PDE4A: variants seen among roughly 807,000 people sequenced by gnomAD.
PDE4A encodes the protein phosphodiesterase 4A, also known as 3',5'-cyclic-AMP phosphodiesterase 4A.
In PDE4A, 21 loss-of-function variants were observed where a neutral mutation model predicts 73.9. The observed-to-expected ratio is 0.28, with a 90% CI of 0.20 to 0.41. PDE4A has a LOEUF of 0.41. Ranked by LOEUF, PDE4A falls within the 10% of genes least tolerant of loss-of-function variation. PDE4A has a pLI of 1.00. For synonymous variants in PDE4A, 463 were observed against 505.4 expected, an observed-to-expected ratio of 0.92 and a Z score of 1.13; for missense variants, 958 against 1,211.4, an observed-to-expected ratio of 0.79 and a Z score of 3.10.
At chr19:10,446,520 C>A in intron 2 of PDE4A, 111 bp downstream of exon 2, 1 of 1,294,398 alleles carries the variant, frequency 7.7e-7, no homozygotes, top group Non-Finnish European at 1.1e-6. Flanking sequence ...TCAGCACTCC[C>A]AACCTGTCCT....
intron 2 of PDE4A, among the ~76,000 whole-genome samples, chr19:10,446,914 G>A (rs1346737861): frequency 9.4e-6 from 1 of 106,252 alleles, no homozygotes; most frequent in South Asian, 3.0e-4. Context: ...TTTTTTTTGA[G>A]ACGGAGTGTC....
chr19:10,446,907 T>TTCTC (rs2043014060), intron 2 of PDE4A, among the ~76,000 whole-genome samples: 1 of 148,688 alleles, frequency 6.7e-6, no homozygotes, highest in African/African-American at 2.5e-5. Context: ...GTTCCTTTTT[T>TTCTC]TTTTGAGACG....
Position 10,424,751 on chromosome 19 carries a change from TGGAGGACAG to T in PDE4A, c.320+3674_320+3682del, listed in dbSNP as rs1238041400. On this transcript the variant is annotated intron_variant, in intron 1 of 14. Coordinates refer to ENST00000380702, the MANE Select transcript of PDE4A (RefSeq NM_001111307.2). The surrounding 1 kb of genome is among the most constrained non-coding windows in gnomAD (Gnocchi z 4.8). The stretch of plus-strand genomic sequence containing the variant: ...GCCACACGCTGCGGGGACTGTCGTC[TGGAGGACAG>T]GGAGGAACCTGGCCGAAAAGTTGCA... Among the ~76,000 whole-genome samples, 1 of 152,228 alleles carries T rather than the reference TGGAGGACAG, an allele frequency of 6.6e-6. No homozygotes were observed.
At chr19:10,420,417 G>C (rs1029302952), upstream of PDE4A, 3 of 964,364 alleles carry the variant, frequency 3.1e-6, no homozygotes, top group African/African-American at 5.3e-5. This position sits in a 1 kb window ranked among gnomAD's most constrained non-coding sequence, Gnocchi z 6.0. Flanking sequence ...TGGCCCGGAC[G>C]GAGGAGGAGG....
At chr19:10,430,748 C>A (rs2042776268) in intron 1 of PDE4A, 1 of 312,808 alleles carries the variant, frequency 3.2e-6, no homozygotes, top group Non-Finnish European at 4.6e-6. Flanking sequence ...CGGGGTGGGG[C>A]CCGCGGGCCC....
At chr19:10,450,498 A>G in intron 4 of PDE4A, 105 bp from the exon 5 acceptor site, 2 of 1,474,734 alleles carry the variant, frequency 1.4e-6, no homozygotes, top group Non-Finnish European at 1.8e-6. Flanking sequence ...GGACACGGTG[A>G]GTTTTCAGAC....
At chr19:10,460,455 C>G (rs1599453269) in intron 10 of PDE4A, among the ~76,000 whole-genome samples, 1 of 146,582 alleles carries the variant, frequency 6.8e-6, no homozygotes. Flanking sequence ...GCCAGGATTG[C>G]GCCACTGCAC....
intron 6 of PDE4A, among the ~76,000 whole-genome samples, chr19:10,452,223 T>C (rs1436362211): frequency 2.6e-5 from 4 of 151,946 alleles, no homozygotes; most frequent in Non-Finnish European, 2.9e-5. Context: ...GCGGATCACC[T>C]GAGGTCGGGA....
At position 10,420,784 on chromosome 19, in the gene PDE4A, C is replaced by T. The variant is rs763441183; in HGVS notation, c.20C>T (p.Pro7Leu). Residue 7 changes from proline to leucine, a missense_variant, in exon 1 of 15, where the codon CCC becomes CTC. Coordinates refer to ENST00000380702, the MANE Select transcript of PDE4A (RefSeq NM_001111307.2). The surrounding 1 kb of genome is among the most constrained non-coding windows in gnomAD (Gnocchi z 6.0). MEPPTV[P>L]SERSLSLSLP... ...GGCGCCATGGAACCCCCGACCGTCCCCTCGGAAAGGAGCCTGTCTCTGTCA... is the reference window on the plus strand; with the variant it reads ...GGCGCCATGGAACCCCCGACCGTCCTCTCGGAAAGGAGCCTGTCTCTGTCA... The T allele has an allele frequency of 3.2e-6, 5 of 1,577,310 alleles. No individual in the cohort carries two copies. In the South Asian group the frequency reaches 5.7e-5, roughly 18 times the overall value.
rs557242459 is a variant in PDE4A, at chr19:10,449,575, G to A, written c.620+425G>A. Among the ~76,000 whole-genome samples the A allele has an allele frequency of 2.0e-5, 3 of 152,006 alleles. No individual in the cohort carries two copies. In the East Asian group the frequency reaches 5.8e-4, roughly 30 times the overall value. On this transcript the variant is annotated intron_variant, in intron 4 of 14. Transcript: ENST00000380702. ...GGGTTTCACCATGTTGGCCAGGCTG[G>A]TCTCAAACTCCTGACCTTTGGTGAT...
intron 2 of PDE4A, among the ~76,000 whole-genome samples, chr19:10,448,375 G>A (rs767634140): frequency 3.3e-5 from 5 of 151,848 alleles, no homozygotes; most frequent in African/African-American, 7.3e-5. Flanking sequence ...GGTGGCTCAC[G>A]CCTATAATCC....
Position 10,426,323 on chromosome 19 carries a change from C to T in PDE4A, c.320+5239C>T, listed in dbSNP as rs11085733. ...AACTGTGGCTGAGAATGCTGTAGAC[C>T]AAGTTTGTCCAACCCGTGGCCCAGG... On this transcript the variant is annotated intron_variant, in intron 1 of 14. Transcript: ENST00000380702. Among the ~76,000 whole-genome samples, 152 of 152,264 alleles carry T rather than the reference C, an allele frequency of 1.0e-3. 1 individual carries two copies. Among genetic ancestry groups the T allele is most frequent in the East Asian group, 9.6e-4 (5 of 5,192 alleles).
At chr19:10,438,355 C>G (rs1011509739) in intron 1 of PDE4A, among the ~76,000 whole-genome samples, 5 of 152,038 alleles carry the variant, frequency 3.3e-5, no homozygotes, top group Non-Finnish European at 5.9e-5. Flanking sequence ...TTGTGATCCG[C>G]CCGCCTCCGC....
Position 10,461,866 on chromosome 19 carries a change from C to G in PDE4A, c.1621-11C>G. 1 of 1,611,546 alleles carries G rather than the reference C, an allele frequency of 6.2e-7. No homozygotes were observed. The highest frequency in any genetic ancestry group is 8.5e-7 in the Non-Finnish European group (1 of 1,178,774). On this transcript the variant is annotated splice_polypyrimidine_tract_variant and intron_variant, in intron 12 of 14. Coordinates refer to ENST00000380702, the MANE Select transcript of PDE4A (RefSeq NM_001111307.2). ...GTGTCAGCGGCCCCAGTGACGCCCCCTTGCCCGCAGGTGCTGGCCACGGAC... is the reference window on the plus strand; with the variant it reads ...GTGTCAGCGGCCCCAGTGACGCCCCGTTGCCCGCAGGTGCTGGCCACGGAC...
intron 14 of PDE4A, 113 bp downstream of exon 14, chr19:10,464,088 G>T: frequency 1.4e-6 from 2 of 1,394,488 alleles, no homozygotes; most frequent in South Asian, 2.5e-5. Context: ...ATGCCAAGTT[G>T]TCCTGTTTTT....
At chr19:10,429,300 AAG>A (rs1307643109) in intron 1 of PDE4A, among the ~76,000 whole-genome samples, 22 of 149,820 alleles carry the variant, frequency 1.5e-4, no homozygotes, top group Admixed American at 1.3e-3. Context: ...GAAAGAAAGA[AAG>A]AGAGGAAGGA....
intron 1 of PDE4A, chr19:10,430,851 C>T (rs1599407029): frequency 1.7e-6 from 2 of 1,205,208 alleles, no homozygotes. Flanking sequence ...GGCCATGGCG[C>T]GGCCGCGCGG....
Position 10,458,111 on chromosome 19 carries a change from G to T in PDE4A, c.1101+9G>T, listed in dbSNP as rs1281910866. 1.2e-6 allele frequency: 2 copies of T among 1,613,270 alleles called. No individual in the cohort carries two copies. Among genetic ancestry groups the T allele is most frequent in the Non-Finnish European group, 8.5e-7 (1 of 1,179,682 alleles). On this transcript the variant is annotated intron_variant, in intron 8 of 14. Transcript: ENST00000380702. The surrounding 1 kb of genome is among the most constrained non-coding windows in gnomAD (Gnocchi z 4.6). Reference sequence around the variant, plus strand: ...AAGAGCTCCTGGCCCAAGTGGGTGGGGGCTCAGTAGGGGCAGGGCTGGAGG... The same window carrying T: ...AAGAGCTCCTGGCCCAAGTGGGTGGTGGCTCAGTAGGGGCAGGGCTGGAGG...
At chr19:10,417,128 A>C, upstream of PDE4A, 1 of 1,439,366 alleles carries the variant, frequency 6.9e-7, no homozygotes, top group Non-Finnish European at 9.1e-7. Flanking sequence ...CTCGTGCCTC[A>C]GTTTACCCCC....
Sources: allele counts gnomAD v4.1 joint callset (sites outside exome capture counted in the v4.1 genomes callset), GRCh38; gene constraint gnomAD v4.1.1; non-coding constraint Gnocchi (gnomAD v3.1); transcripts MANE v1.5; gene names NCBI Gene and HGNC (gene_info 2026-07-23, HGNC 2026-07-21).